The following NUP98 variants were observed in gnomAD, a reference collection of about 807,000 sequenced individuals.
NUP98 encodes nuclear pore complex protein Nup98-Nup96.
Under a neutral mutation model 191.9 loss-of-function variants are expected in NUP98, and 26 were observed. That is an observed-to-expected ratio of 0.14 (90% CI 0.10 to 0.19). NUP98 has a LOEUF of 0.19. Ranked by LOEUF, NUP98 falls within the 10% of genes least tolerant of loss-of-function variation. The pLI, the probability that NUP98 is intolerant of heterozygous loss-of-function variation, is 1.00. For missense variants in NUP98, 1,941 were observed against 2,178.8 expected, an observed-to-expected ratio of 0.89 and a Z score of 2.17; for synonymous variants, 808 against 778.4, an observed-to-expected ratio of 1.04 and a Z score of -0.63.
At chr11:3,751,840 C>A (rs1437303463) in intron 11 of NUP98, among the ~76,000 whole-genome samples, 1 of 152,010 alleles carries the variant, frequency 6.6e-6, no homozygotes, top group Non-Finnish European at 1.5e-5. Flanking sequence ...CCCTGGGTAA[C>A]AGAGCAAGAA....
rs2081855276 is a variant in NUP98 at position 3,779,009 on chromosome 11, G to A, written c.219C>T (p.Thr73=). 3 of 1,614,068 alleles carry A rather than the reference G, an allele frequency of 1.9e-6. No homozygotes were observed. The highest frequency in any genetic ancestry group is 1.1e-5 in the South Asian group (1 of 91,088). Residue 73 remains threonine (T), a synonymous_variant, in exon 4 of 33, where the codon ACC becomes ACT. Transcript: ENST00000324932. ...FGTSSFSQPA[T]STSTGFGFGT... Reference sequence around the variant, plus strand: ...CAAACCCAAAGCCAGTGCTTGTGGAGGTAGCTGGCTGGCTAAATGAACTGG... The same window carrying A: ...CAAACCCAAAGCCAGTGCTTGTGGAAGTAGCTGGCTGGCTAAATGAACTGG...
chr11:3,783,336 C>T (rs900449361), intron 1 of NUP98, among the ~76,000 whole-genome samples: 23 of 152,108 alleles, frequency 1.5e-4, no homozygotes, highest in African/African-American at 5.6e-4. Flanking sequence ...TGCTGTGAGC[C>T]ATTATCATGC....
intron 8 of NUP98, among the ~76,000 whole-genome samples, chr11:3,767,895 G>A (rs2081391989): frequency 6.6e-6 from 1 of 151,732 alleles, no homozygotes. Flanking sequence ...CCTGTTGTTG[G>A]CTATATTCTG....
intron 14 of NUP98, among the ~76,000 whole-genome samples, chr11:3,726,954 C>G (rs753113535): frequency 1.3e-5 from 2 of 151,944 alleles, no homozygotes; most frequent in Non-Finnish European, 2.9e-5. Context: ...TTTTTAGAGA[C>G]AAGGTCTCAT....
chr11:3,707,328 A>G lies in NUP98; in HGVS notation c.2743-701T>C, dbSNP rs116631654. Among the ~76,000 whole-genome samples the G allele has an allele frequency of 3.7e-3, 571 of 152,296 alleles. 1 individual carries two copies. The highest frequency in any genetic ancestry group is 0.013 in the African/African-American group (546 of 41,554). On this transcript the variant is annotated intron_variant, in intron 20 of 32. Coordinates refer to ENST00000324932, the MANE Select transcript of NUP98 (RefSeq NM_016320.5). Reference sequence around the variant, plus strand: ...AGACAACTATGACTAACAGTCTATGATTTAAAAGGGTAAACACTCAAAGCT... The same window carrying G: ...AGACAACTATGACTAACAGTCTATGGTTTAAAAGGGTAAACACTCAAAGCT...
At chr11:3,696,899 A>C (rs12362694) in intron 25 of NUP98, 10,118 of 152,256 alleles carry the variant, frequency 0.066, 368 homozygotes, top group Middle Eastern at 0.13. Flanking sequence ...CAGTACCTTT[A>C]CCAGAGGTTT....
In NUP98 at chr11:3,676,578, C is replaced by T. The variant is rs773306120; in HGVS notation, c.5116G>A (p.Val1706Met). The T allele has an allele frequency of 1.1e-5, 18 of 1,614,222 alleles. 1 individual carries two copies. Among genetic ancestry groups the T allele is most frequent in the South Asian group, 6.6e-5 (6 of 91,092 alleles). ...GNDLEQLHIKVTSLCSRIEQI... is the reference protein window; with the variant it reads ...GNDLEQLHIKMTSLCSRIEQI... ...TCTATCCGACTGCACAGTGAAGTCA[C>T]TTTGATGTGTAACTGCTCCAGGTCA... is the stretch of plus-strand genomic sequence containing the variant. The change falls in exon 32 of 33, where the codon GTG becomes ATG. Residue 1706 changes from valine to methionine, a missense_variant. Transcript: ENST00000324932.
chr11:3,727,248 T>G (rs959881735), intron 14 of NUP98, among the ~76,000 whole-genome samples: 1 of 151,840 alleles, frequency 6.6e-6, no homozygotes, highest in Non-Finnish European at 1.5e-5. Context: ...CTGAGCAGGA[T>G]CACTTAAGGC....
In NUP98 at chr11:3,762,109, G is replaced by A. The variant is rs2081190686; in HGVS notation, c.1086+793C>T. ...GGACCATATGTTTTAGGGACTTTGT[G>A]TTCCTTTTTTATTTTTTAAGACAGA... On this transcript the variant is annotated intron_variant, in intron 9 of 32. Coordinates refer to ENST00000324932, the MANE Select transcript of NUP98 (RefSeq NM_016320.5). 2.0e-5 allele frequency among the ~76,000 whole-genome samples: 3 copies of A among 152,172 alleles called. No homozygotes were observed. The South Asian group carries it at 6.2e-4, about 32-fold the overall frequency.
rs757428647 is a variant in NUP98, at chr11:3,693,215, C to CT, written c.4311+16dup. On this transcript the variant is annotated intron_variant, in intron 27 of 32. Transcript: ENST00000324932. ...CACCCAGCAAGATTTTTGCTTGGCT[C>CT]TATTGGCCACATATACCTGAAATGC... The CT allele has an allele frequency of 1.2e-4, 187 of 1,613,114 alleles. No homozygotes were observed. The highest frequency in any genetic ancestry group is 3.3e-4 in the Middle Eastern group (2 of 6,056).
chr11:3,721,046 T>A (rs1589804777), intron 16 of NUP98: 1 of 337,950 alleles, frequency 3.0e-6, no homozygotes, highest in Non-Finnish European at 5.4e-6. Context: ...AGAACATACA[T>A]ATGATACATC....
At chr11:3,777,482 G>A (rs891210765) in intron 4 of NUP98, among the ~76,000 whole-genome samples, 9 of 151,924 alleles carry the variant, frequency 5.9e-5, no homozygotes, top group Non-Finnish European at 1.0e-4. Flanking sequence ...TTAGCCAGGC[G>A]TGATGGCGGG....
At chr11:3,697,820 TAAAAAAA>T (rs199874258) in intron 25 of NUP98, among the ~76,000 whole-genome samples, 15 of 97,160 alleles carry the variant, frequency 1.5e-4, no homozygotes, top group African/African-American at 5.4e-4. Context: ...GACTCTGTCT[TAAAAAAA>T]AAAAAAAAAA....
At position 3,676,622 on chromosome 11, in the gene NUP98, TAC is replaced by T; in HGVS notation, c.5074-4_5074-3del. On this transcript the variant is annotated splice_polypyrimidine_tract_variant and splice_region_variant and intron_variant, in intron 31 of 32. Transcript: ENST00000324932. ...CAGGTCATTACCTGAGCAATCCACC[TAC>T]AAAGAAGCAGAGAAGCCAATTAATC... 1 of 1,611,048 alleles carries T rather than the reference TAC, an allele frequency of 6.2e-7. No individual in the cohort carries two copies. Among genetic ancestry groups the T allele is most frequent in the Non-Finnish European group, 8.5e-7 (1 of 1,177,246 alleles).
intron 11 of NUP98, among the ~76,000 whole-genome samples, chr11:3,745,248 T>C (rs1430683850): frequency 1.3e-5 from 2 of 152,346 alleles, no homozygotes; most frequent in South Asian, 2.1e-4. Context: ...CAGACAACTA[T>C]AGGAAAACTA....
At chr11:3,725,246 G>A (rs556008021) in intron 14 of NUP98, 27 bp from the exon 15 acceptor site, 3 of 1,111,966 alleles carry the variant, frequency 2.7e-6, no homozygotes, top group South Asian at 1.3e-5. Context: ...AAAAGAAGAA[G>A]AAAAAAATTA....
At chr11:3,778,134 G>A (rs1244525954) in intron 4 of NUP98, among the ~76,000 whole-genome samples, 1 of 144,578 alleles carries the variant, frequency 6.9e-6, no homozygotes, top group African/African-American at 2.6e-5. Context: ...AGGAGGCACA[G>A]CTCGCAATGA....
intron 5 of NUP98, 23 bp from the exon 6 acceptor site, chr11:3,773,762 A>C: frequency 1.4e-6 from 2 of 1,453,712 alleles, no homozygotes; most frequent in Non-Finnish European, 1.9e-6. Flanking sequence ...ATAAAGGCAA[A>C]TTTGTAGGTC....
rs757292722 is a variant in NUP98, at chr11:3,713,900, T to C, written c.2495A>G (p.Glu832Gly). 6.2e-7 allele frequency: 1 copy of C among 1,614,134 alleles called. No individual in the cohort carries two copies. The highest frequency in any genetic ancestry group is 1.7e-5 in the Admixed American group (1 of 60,012). Residue 832 changes from glutamate (E) to glycine (G), a missense_variant, in exon 19 of 33, where the codon GAA (glutamate) becomes GGA (glycine). By Grantham distance (98) the Glu-to-Gly change is moderately conservative. Coordinates refer to ENST00000324932, the MANE Select transcript of NUP98 (RefSeq NM_016320.5). ...SPDRLADINY[E>G]GRLEAVSRKQ... ...CCTTGAAACTGCTTCCAATCTTCCT[T>C]CATAGTTGATATCAGCAAGGCGATC...
Sources: gnomAD v4.1 joint callset for allele counts (sites outside exome capture counted in the v4.1 genomes callset) on GRCh38, gnomAD v4.1.1 for gene constraint, MANE v1.5 for transcripts, NCBI Gene and HGNC (gene_info 2026-07-23, HGNC 2026-07-21) for gene names.